MAMLD1: variants seen among roughly 807,000 people sequenced by gnomAD.
The protein encoded by MAMLD1 is mastermind like domain containing 1, also known as mastermind-like domain-containing protein 1.
A neutral mutation model predicts 45.0 loss-of-function variants in MAMLD1; 14 were observed. The ratio of observed to expected loss-of-function variants is 0.31; its 90% CI spans 0.21 to 0.49. The LOEUF is 0.49. MAMLD1 is among the 20% of genes least tolerant of loss of function. MAMLD1 has a pLI of 0.99. For synonymous variants in MAMLD1, 254 were observed against 247.8 expected, an observed-to-expected ratio of 1.02 and a Z score of -0.24; for missense variants, 543 against 603.6, an observed-to-expected ratio of 0.90 and a Z score of 1.05.
intron 1 of MAMLD1, among the ~76,000 whole-genome samples, chrX:150,365,504 G>T (rs951950714): frequency 2.0e-4 from 23 of 113,238 alleles, no homozygotes; most frequent in Non-Finnish European, 3.8e-4. Context: ...GCGCTCGCCG[G>T]GCTCGGGCAT....
intron 1 of MAMLD1, among the ~76,000 whole-genome samples, chrX:150,424,847 C>T (rs782080102): frequency 1.8e-5 from 2 of 111,879 alleles, no homozygotes; most frequent in Non-Finnish European, 3.8e-5. Flanking sequence ...AGAACATTTT[C>T]ATCACCCTCA....
rs781849337 is a variant in MAMLD1, at chrX:150,472,374, G to A, written c.1917+884G>A. Among the ~76,000 whole-genome samples the A allele has an allele frequency of 8.9e-5, 10 of 112,521 alleles. No individual in the cohort carries two copies. In the East Asian group the frequency reaches 1.4e-3, roughly 16 times the overall value. On this transcript the variant is annotated intron_variant, in intron 4 of 7. Coordinates refer to ENST00000370401, the MANE Select transcript of MAMLD1 (RefSeq NM_005491.5). ...TACCACCACATCCTGATTTCTGGGT[G>A]TTAGGAATCCTGGCATGGTTTAACT...
intron 2 of MAMLD1, among the ~76,000 whole-genome samples, chrX:150,452,736 A>G (rs1225875495): frequency 1.0e-4 from 10 of 96,225 alleles, no homozygotes; most frequent in Admixed American, 4.4e-4. Context: ...ATATCTCCCA[A>G]TGCTATCCCT....
intron 1 of MAMLD1, among the ~76,000 whole-genome samples, chrX:150,429,558 C>T (rs1270650195): frequency 9.0e-6 from 1 of 110,811 alleles, no homozygotes; most frequent in Non-Finnish European, 1.9e-5. Flanking sequence ...AGTGCAATAT[C>T]AAAACTTGGA....
intron 1 of MAMLD1, among the ~76,000 whole-genome samples, chrX:150,428,274 T>C (rs2034785450): frequency 8.9e-6 from 1 of 112,098 alleles, no homozygotes; most frequent in African/African-American, 3.2e-5. Context: ...GGTCCACAAG[T>C]AACAAAGCCA....
chrX:150,411,374 C>A (rs1263985921), intron 1 of MAMLD1, among the ~76,000 whole-genome samples: 1 of 112,097 alleles, frequency 8.9e-6, no homozygotes, highest in East Asian at 2.8e-4. Context: ...AGCCCCTGTC[C>A]CCCACAAGTT....
chrX:150,426,101 A>G (rs2034694011), intron 1 of MAMLD1, among the ~76,000 whole-genome samples: 2 of 111,263 alleles, frequency 1.8e-5, no homozygotes, highest in Admixed American at 1.9e-4. Context: ...GGCCAGCCTT[A>G]TTAACCTTGC....
chrX:150,462,703 G>A (rs1557405674), intron 2 of MAMLD1, 69 bp from the exon 3 acceptor site: 17 of 714,397 alleles, frequency 2.4e-5, no homozygotes, highest in African/African-American at 4.2e-5. Flanking sequence ...CTCTCACTGA[G>A]CTGGTGCAGG....
intron 1 of MAMLD1, among the ~76,000 whole-genome samples, chrX:150,431,629 C>T (rs1557404060): frequency 9.1e-6 from 1 of 110,427 alleles, no homozygotes; most frequent in Non-Finnish European, 1.9e-5. Flanking sequence ...CATATGTACT[C>T]GATGTTTACC....
At chrX:150,497,710 C>T (rs2037431548) in intron 5 of MAMLD1, among the ~76,000 whole-genome samples, 2 of 111,748 alleles carry the variant, frequency 1.8e-5, no homozygotes, top group East Asian at 2.8e-4. Context: ...AAGAGGACAC[C>T]TGGGTCTCAC....
chrX:150,407,418 G>A lies in MAMLD1; in HGVS notation c.-63-38036G>A, dbSNP rs1557402705. On this transcript the variant is annotated intron_variant, in intron 1 of 7. Coordinates refer to ENST00000370401, the MANE Select transcript of MAMLD1 (RefSeq NM_005491.5). ...TTTGTTGCCAACATGCATAATTGAAGAAAGGCTGAATTTCAATTAGAGGTT... is the reference window on the plus strand; with the variant it reads ...TTTGTTGCCAACATGCATAATTGAAAAAAGGCTGAATTTCAATTAGAGGTT... Among the ~76,000 whole-genome samples, 27 of 112,206 alleles carry A rather than the reference G, an allele frequency of 2.4e-4. No individual in the cohort carries two copies. In the East Asian group the frequency reaches 6.7e-3, roughly 28 times the overall value.
intron 5 of MAMLD1, among the ~76,000 whole-genome samples, chrX:150,480,348 G>C (rs782421012): frequency 8.9e-6 from 1 of 112,558 alleles, no homozygotes; most frequent in Non-Finnish European, 1.9e-5. Context: ...AGTTGAAACA[G>C]TCTGGGATTT....
Position 150,470,723 on chromosome X carries a change from C to G in MAMLD1, c.1150C>G (p.Pro384Ala). The G allele has an allele frequency of 8.3e-7, 1 of 1,212,053 alleles. No homozygotes were observed. The highest frequency in any genetic ancestry group is 1.1e-6 in the Non-Finnish European group (1 of 895,553). The part of the protein sequence containing the change: ...TLSGSTLRGS[P>A]NALLSSMTSS... ...GTCGGGTAGCACTCTCCGAGGCTCT[C>G]CCAATGCCTTACTGTCAAGCATGAC... is the stretch of plus-strand genomic sequence containing the variant. Residue 384 changes from proline to alanine, a missense_variant, in exon 4 of 8, where the codon CCC (proline) becomes GCC (alanine). By Grantham distance (27) the Pro-to-Ala change is conservative. Coordinates refer to ENST00000370401, the MANE Select transcript of MAMLD1 (RefSeq NM_005491.5).
Position 150,513,012 on chromosome X carries a change from C to A in MAMLD1, c.*1053C>A, listed in dbSNP as rs1329961953. On this transcript the variant is annotated 3_prime_UTR_variant, in exon 8 of 8. Coordinates refer to ENST00000370401, the MANE Select transcript of MAMLD1 (RefSeq NM_005491.5). The stretch of plus-strand genomic sequence containing the variant: ...GACGACATTTTGGAACAGCATGCTG[C>A]TGCTCAAAATGCCACAGCCCAGAAT... The A allele has an allele frequency of 8.7e-7, 1 of 1,152,028 alleles. No homozygotes were observed. Among genetic ancestry groups the A allele is most frequent in the Non-Finnish European group, 1.1e-6 (1 of 870,327 alleles). The allele number at this position is 1,152,028 out of a possible 1,213,427, so 94.9% of individuals were successfully genotyped here.
At chrX:150,443,916 T>C (rs1239799660) in intron 1 of MAMLD1, among the ~76,000 whole-genome samples, 1 of 112,452 alleles carries the variant, frequency 8.9e-6, no homozygotes, top group Non-Finnish European at 1.9e-5. Context: ...TTCCATTCCA[T>C]TTGATATCTT....
chrX:150,395,778 G>T (rs1297749329), intron 1 of MAMLD1, among the ~76,000 whole-genome samples: 1 of 110,105 alleles, frequency 9.1e-6, no homozygotes, highest in Non-Finnish European at 1.9e-5. Context: ...CTGTAATGAT[G>T]TCCCCACTTT....
intron 1 of MAMLD1, among the ~76,000 whole-genome samples, chrX:150,410,013 C>T (rs1418413366): frequency 4.5e-5 from 5 of 111,742 alleles, no homozygotes; most frequent in African/African-American, 6.5e-5. Flanking sequence ...AGTAGTGAGC[C>T]CAGGCCTAGG....
At chrX:150,382,494 C>A in intron 1 of MAMLD1, among the ~76,000 whole-genome samples, 1 of 111,564 alleles carries the variant, frequency 9.0e-6, no homozygotes, top group Non-Finnish European at 1.9e-5. Context: ...TTTAGAATAA[C>A]CTTGTCTACG....
intron 1 of MAMLD1, among the ~76,000 whole-genome samples, chrX:150,419,393 A>G (rs1289740246): frequency 3.3e-4 from 36 of 107,818 alleles, no homozygotes; most frequent in African/African-American, 1.2e-3. Flanking sequence ...TCTTTATCCA[A>G]TTTGCCAGTC....
Sources: gnomAD v4.1 joint callset for allele counts (sites outside exome capture counted in the v4.1 genomes callset) on GRCh38, gnomAD v4.1.1 for gene constraint, MANE v1.5 for transcripts, NCBI Gene and HGNC (gene_info 2026-07-23, HGNC 2026-07-21) for gene names.